Variants in MIS18A observed in about 807,000 individuals in gnomAD.
MIS18A encodes MIS18 kinetochore protein A.
Under a neutral mutation model 25.0 loss-of-function variants are expected in MIS18A, and 14 were observed. That is an observed-to-expected ratio of 0.56 (90% CI 0.37 to 0.88). The LOEUF (loss-of-function observed/expected upper bound fraction) is 0.88. Among genes scored for constraint, MIS18A ranks in the 40% least tolerant of loss-of-function variants. The pLI is 0.00. For synonymous variants in MIS18A, 134 were observed against 118.6 expected (o/e 1.13, Z -0.84); for missense variants, 292 against 290.8 (o/e 1.00, Z -0.03).
the MIS18A span, among the ~76,000 whole-genome samples, chr21:32,198,229 G>C: frequency 6.6e-6 from 1 of 152,206 alleles, no homozygotes; most frequent in Non-Finnish European, 1.5e-5. Context: ...GGCCTGGGAA[G>C]GGGCAGTTTT....
the MIS18A span, among the ~76,000 whole-genome samples, chr21:32,157,145 G>A: frequency 9.0e-5 from 13 of 143,970 alleles, no homozygotes; most frequent in South Asian, 2.2e-4. Flanking sequence ...AACCTCTGCC[G>A]CCCGGGTTCA....
At chr21:32,256,964 AC>A in the MIS18A span, among the ~76,000 whole-genome samples, 1 of 151,988 alleles carries the variant, frequency 6.6e-6, no homozygotes, top group South Asian at 2.1e-4. Flanking sequence ...GTTTTCCCCC[AC>A]CCTGGCTCCC....
chr21:32,159,456 T>C, the MIS18A span, among the ~76,000 whole-genome samples: 1 of 152,356 alleles, frequency 6.6e-6, no homozygotes, highest in East Asian at 1.9e-4. Context: ...CATAAGCATA[T>C]ACAGGCAAAA....
chr21:32,228,333 C>T, the MIS18A span, among the ~76,000 whole-genome samples: 2 of 152,132 alleles, frequency 1.3e-5, no homozygotes, highest in African/African-American at 4.8e-5. Flanking sequence ...GTGATCCGCC[C>T]ACCTCGGCCT....
At chr21:32,156,105 A>G in the MIS18A span, among the ~76,000 whole-genome samples, 1 of 152,208 alleles carries the variant, frequency 6.6e-6, no homozygotes, top group Non-Finnish European at 1.5e-5. Context: ...CCCTTTTTTA[A>G]CCAGAGCAGC....
chr21:32,223,795 T>C, the MIS18A span, among the ~76,000 whole-genome samples: 4 of 152,240 alleles, frequency 2.6e-5, no homozygotes, highest in East Asian at 7.7e-4. Context: ...AGCATCATCC[T>C]GATACCAAAA....
At chr21:32,174,056 C>G in the MIS18A span, among the ~76,000 whole-genome samples, 3 of 146,762 alleles carry the variant, frequency 2.0e-5, no homozygotes, top group Non-Finnish European at 4.4e-5. Flanking sequence ...CTTCCACCTC[C>G]CGGGTTCAAG....
At chr21:32,161,809 C>T in the MIS18A span, among the ~76,000 whole-genome samples, 3 of 151,108 alleles carry the variant, frequency 2.0e-5, no homozygotes, top group East Asian at 1.9e-4. Flanking sequence ...TTTAAATAAA[C>T]GTTTTTTGAC....
At chr21:32,262,828 C>T in the MIS18A span, among the ~76,000 whole-genome samples, 5 of 152,172 alleles carry the variant, frequency 3.3e-5, no homozygotes, top group African/African-American at 1.2e-4. Context: ...TATTTGAAAT[C>T]ACATTTAGGC....
the MIS18A span, among the ~76,000 whole-genome samples, chr21:32,175,212 A>G: frequency 6.6e-6 from 1 of 152,186 alleles, no homozygotes; most frequent in African/African-American, 2.4e-5. Flanking sequence ...ACATATAAAG[A>G]TACAGTAAAA....
chr21:32,201,324 A>T, the MIS18A span, among the ~76,000 whole-genome samples: 1 of 151,704 alleles, frequency 6.6e-6, no homozygotes, highest in Non-Finnish European at 1.5e-5. Flanking sequence ...AACCAGGTGG[A>T]AAAAAAACAA....
At chr21:32,184,155 T>A in the MIS18A span, among the ~76,000 whole-genome samples, 2 of 152,196 alleles carry the variant, frequency 1.3e-5, no homozygotes, top group Non-Finnish European at 1.5e-5. Flanking sequence ...CACCTGGGCA[T>A]GACTGGGATA....
the MIS18A span, among the ~76,000 whole-genome samples, chr21:32,240,203 T>C: frequency 6.6e-6 from 1 of 152,258 alleles, no homozygotes; most frequent in Non-Finnish European, 1.5e-5. Flanking sequence ...ACTGAACCTC[T>C]GTGTCCCTTA....
the MIS18A span, among the ~76,000 whole-genome samples, chr21:32,190,589 CAT>C: frequency 1.4e-4 from 22 of 152,300 alleles, no homozygotes; most frequent in Admixed American, 3.3e-4. Flanking sequence ...ATTAAACCCA[CAT>C]ATGTTTAATT....
At chr21:32,278,514 G>A (rs2031861079) in intron 1 of MIS18A, 167 bp downstream of exon 1, 3 of 718,874 alleles carry the variant, frequency 4.2e-6, no homozygotes, top group East Asian at 6.0e-5. Flanking sequence ...AAGTGGAGGG[G>A]TGACCCTCCT....
At chr21:32,204,420 C>T in the MIS18A span, among the ~76,000 whole-genome samples, 1 of 151,186 alleles carries the variant, frequency 6.6e-6, no homozygotes, top group South Asian at 2.1e-4. Context: ...TCACTTGAAC[C>T]TGGGCAGCAG....
chr21:32,161,133 A>C, the MIS18A span, among the ~76,000 whole-genome samples: 1 of 152,250 alleles, frequency 6.6e-6, no homozygotes, highest in Non-Finnish European at 1.5e-5. Flanking sequence ...CATCATAATT[A>C]ACGAATTGAT....
the MIS18A span, among the ~76,000 whole-genome samples, chr21:32,190,206 GTC>G: frequency 6.6e-6 from 1 of 151,636 alleles, no homozygotes; most frequent in Non-Finnish European, 1.5e-5. Context: ...TCATCTCACT[GTC>G]TCTCTCTCTC....
At chr21:32,187,595 T>G in the MIS18A span, among the ~76,000 whole-genome samples, 1 of 152,164 alleles carries the variant, frequency 6.6e-6, no homozygotes, top group African/African-American at 2.4e-5. Context: ...TAAAAGGATG[T>G]GTTCTAGGGA....
Sources: allele counts gnomAD v4.1 joint callset (sites outside exome capture counted in the v4.1 genomes callset), GRCh38; gene constraint gnomAD v4.1.1; transcripts MANE v1.5; gene names NCBI Gene and HGNC (gene_info 2026-07-23, HGNC 2026-07-21).